The following FBXW11 variants were observed in gnomAD, a reference collection of about 807,000 sequenced individuals.
The protein encoded by FBXW11 is F-box and WD repeat domain containing 11.
In FBXW11, 19 loss-of-function variants were observed where a neutral mutation model predicts 77.6. The observed-to-expected ratio is 0.24, with a 90% CI of 0.17 to 0.36. The LOEUF (loss-of-function observed/expected upper bound fraction) is 0.36, where lower values mean the gene tolerates loss of function less well. FBXW11 is among the 10% of genes least tolerant of loss of function. The pLI, the probability that FBXW11 is intolerant of heterozygous loss-of-function variation, is 1.00. For synonymous variants in FBXW11, 235 were observed against 249.4 expected (o/e 0.94, Z 0.54); for missense variants, 334 against 704.2 (o/e 0.47, Z 5.95).
chr5:171,914,515 A>G, intron 2 of FBXW11, 110 bp from the exon 3 acceptor site: 2 of 880,132 alleles, frequency 2.3e-6, no homozygotes, highest in Non-Finnish European at 3.3e-6. Context: ...TACAAACCCA[A>G]GAACTATTTG....
chr5:171,926,970 T>C lies in FBXW11; in HGVS notation c.148-12565A>G, dbSNP rs570550437. Among the ~76,000 whole-genome samples the C allele has an allele frequency of 9.2e-5, 14 of 152,294 alleles. 1 individual carries two copies. The highest frequency in any genetic ancestry group is 3.4e-3 in the Middle Eastern group (1 of 294). On this transcript the variant is annotated intron_variant, in intron 2 of 13. Coordinates refer to ENST00000517395, the MANE Select transcript of FBXW11 (RefSeq NM_001378974.1). ...AATAAAAGACTCTATCAACTAGATA[T>C]TCTTAACATATTTTGGGCCCTACCC...
In FBXW11 at chr5:171,984,791, T is replaced by C. The variant is rs573831109; in HGVS notation, c.45+21667A>G. ...ATTATAGAAAAAAAGAATCGCACTATAAATATTTACTTTATGCACAATTTT... is the reference window on the plus strand; with the variant it reads ...ATTATAGAAAAAAAGAATCGCACTACAAATATTTACTTTATGCACAATTTT... On this transcript the variant is annotated intron_variant, in intron 1 of 13. Transcript: ENST00000517395. Among the ~76,000 whole-genome samples the C allele has an allele frequency of 1.2e-3, 186 of 152,320 alleles. 3 individuals carry two copies. The Middle Eastern group carries it at 0.027, about 22-fold the overall frequency.
In FBXW11 at chr5:171,914,327, G is replaced by A. The variant is rs575982886; in HGVS notation, c.210+16C>T. On this transcript the variant is annotated intron_variant, in intron 3 of 13. Coordinates refer to ENST00000517395, the MANE Select transcript of FBXW11 (RefSeq NM_001378974.1). ...GTAAGTCAGTTGCTATCTAATCTGT[G>A]CGCCGTCATTCCTACCTGCCAAAGA... 47 of 1,597,328 alleles carry A rather than the reference G, an allele frequency of 2.9e-5. No individual in the cohort carries two copies. The Middle Eastern group carries it at 5.0e-4, about 17-fold the overall frequency.
At chr5:171,933,788 A>T (rs1762340135) in intron 2 of FBXW11, among the ~76,000 whole-genome samples, 2 of 152,200 alleles carry the variant, frequency 1.3e-5, no homozygotes. Flanking sequence ...TATCAACTTA[A>T]ACTACCTCAA....
intron 6 of FBXW11, among the ~76,000 whole-genome samples, chr5:171,893,109 G>A (rs1438447974): frequency 6.6e-6 from 1 of 152,074 alleles, no homozygotes; most frequent in Non-Finnish European, 1.5e-5. Context: ...GCATTTTATA[G>A]AAAAGGAAAT....
chr5:171,874,597 T>C (rs986101289), intron 9 of FBXW11, among the ~76,000 whole-genome samples: 2 of 152,028 alleles, frequency 1.3e-5, no homozygotes, highest in Admixed American at 6.5e-5. Context: ...TGCTATCCAG[T>C]GCTGGTTATG....
At chr5:171,944,452 G>A (rs1247130787) in intron 2 of FBXW11, among the ~76,000 whole-genome samples, 1 of 151,504 alleles carries the variant, frequency 6.6e-6, no homozygotes, top group Non-Finnish European at 1.5e-5. Context: ...GCGGGCGCCT[G>A]TAGTCCCAGC....
At chr5:172,000,776 A>T (rs1237005641) in intron 1 of FBXW11, among the ~76,000 whole-genome samples, 1 of 152,204 alleles carries the variant, frequency 6.6e-6, no homozygotes, top group African/African-American at 2.4e-5. Context: ...CATATAATCA[A>T]ATCATACTGC....
chr5:171,997,044 T>C (rs777800913), intron 1 of FBXW11: 68 of 1,289,668 alleles, frequency 5.3e-5, no homozygotes, highest in Non-Finnish European at 6.5e-5. Context: ...AAACATGCAC[T>C]TCGGTAACTG....
chr5:171,950,214 T>C (rs1417748830), intron 2 of FBXW11, among the ~76,000 whole-genome samples: 1 of 152,150 alleles, frequency 6.6e-6, no homozygotes, highest in Non-Finnish European at 1.5e-5. Flanking sequence ...ACTTTTAAAG[T>C]ACACCTTAAA....
At chr5:171,973,526 G>A (rs1449136882) in intron 1 of FBXW11, among the ~76,000 whole-genome samples, 1 of 152,132 alleles carries the variant, frequency 6.6e-6, no homozygotes, top group East Asian at 1.9e-4. Context: ...AAAAAAAGAG[G>A]ACAGTCTGAG....
At chr5:171,892,506 C>A (rs1759421882) in intron 6 of FBXW11, among the ~76,000 whole-genome samples, 1 of 152,212 alleles carries the variant, frequency 6.6e-6, no homozygotes, top group Non-Finnish European at 1.5e-5. Flanking sequence ...CAGGATGGGC[C>A]TGCCTCTTGC....
rs70982360 is a variant in FBXW11, at chr5:171,972,502, T to TAAAA, written c.46-14808_46-14805dup. On this transcript the variant is annotated intron_variant, in intron 1 of 13. Coordinates refer to ENST00000517395, the MANE Select transcript of FBXW11 (RefSeq NM_001378974.1). ...GGCAACAGAGTGAGACTCTGTCTCA[T>TAAAA]AAAAAAAAAAAAAAAAAAAAAAAAA... 2.9e-3 allele frequency among the ~76,000 whole-genome samples: 138 copies of TAAAA among 48,190 alleles called. 16 individuals are homozygous for TAAAA. The highest frequency in any genetic ancestry group is 8.8e-3 in the African/African-American group (89 of 10,162). 31.6% of individuals were successfully genotyped at this position (48,190 alleles called of 152,430 possible).
At chr5:171,915,241 A>G (rs1415141358) in intron 2 of FBXW11, among the ~76,000 whole-genome samples, 1 of 152,206 alleles carries the variant, frequency 6.6e-6, no homozygotes, top group East Asian at 1.9e-4. Context: ...ACCTAAAATT[A>G]TAAGACTGGG....
rs767478802 is a variant in FBXW11, at chr5:171,876,692, C to A, written c.972-158G>T. ...TTGATCCTCAATGTTGGAGGTGGGGCCTGGCAGGAGATGTTTTGGGTCATG... is the reference window on the plus strand; with the variant it reads ...TTGATCCTCAATGTTGGAGGTGGGGACTGGCAGGAGATGTTTTGGGTCATG... On this transcript the variant is annotated intron_variant, in intron 8 of 13. Transcript: ENST00000517395. This position sits in a 1 kb window ranked among gnomAD's most constrained non-coding sequence, Gnocchi z 4.2. Among the ~76,000 whole-genome samples the A allele has an allele frequency of 6.6e-6, 1 of 152,064 alleles. No homozygotes were observed. Among genetic ancestry groups the A allele is most frequent in the Non-Finnish European group, 1.5e-5 (1 of 67,996 alleles).
At chr5:171,927,601 G>A (rs994388857) in intron 2 of FBXW11, among the ~76,000 whole-genome samples, 2 of 152,180 alleles carry the variant, frequency 1.3e-5, no homozygotes, top group Non-Finnish European at 2.9e-5. Flanking sequence ...CTGCATATAT[G>A]TAAGTGAAAA....
chr5:171,958,404 A>C (rs1333510790), intron 1 of FBXW11, among the ~76,000 whole-genome samples: 2 of 152,186 alleles, frequency 1.3e-5, no homozygotes, highest in Non-Finnish European at 2.9e-5. Context: ...AAGAACAAGA[A>C]AGATGGGTGA....
chr5:171,886,938 G>C (rs1236482639), intron 7 of FBXW11, among the ~76,000 whole-genome samples: 2 of 152,116 alleles, frequency 1.3e-5, no homozygotes, highest in African/African-American at 2.4e-5. Context: ...TCGCTCACTT[G>C]AACCCAGGAG....
intron 1 of FBXW11, among the ~76,000 whole-genome samples, chr5:172,004,034 C>T (rs534455067): frequency 6.6e-6 from 1 of 152,296 alleles, no homozygotes; most frequent in South Asian, 2.1e-4. Context: ...ATCAGTTTAA[C>T]CCCTTTTCCT....
Sources: allele counts gnomAD v4.1 joint callset (sites outside exome capture counted in the v4.1 genomes callset), GRCh38; gene constraint gnomAD v4.1.1; non-coding constraint Gnocchi (gnomAD v3.1); transcripts MANE v1.5; gene names NCBI Gene and HGNC (gene_info 2026-07-23, HGNC 2026-07-21).